The following JADE1 variants were observed in gnomAD, a reference collection of about 807,000 sequenced individuals.
The protein encoded by JADE1 is protein Jade-1.
In JADE1, 14 loss-of-function variants were observed where a neutral mutation model predicts 81.8. The observed-to-expected ratio is 0.17, with a 90% CI of 0.11 to 0.27. The LOEUF (loss-of-function observed/expected upper bound fraction) is 0.27. Among genes scored for constraint, JADE1 ranks in the 10% least tolerant of loss-of-function variants. The probability of loss-of-function intolerance (pLI) is 1.00; values close to 1 mark genes in which losing one functional copy is unlikely to be tolerated. For missense variants in JADE1, 690 were observed against 1,047.9 expected (o/e 0.66, Z 4.71); for synonymous variants, 353 against 391.9 (o/e 0.90, Z 1.17).
At chr4:128,839,988 A>G (rs1424819741) in intron 2 of JADE1, among the ~76,000 whole-genome samples, 1 of 152,242 alleles carries the variant, frequency 6.6e-6, no homozygotes, top group Non-Finnish European at 1.5e-5. Context: ...TTGTATCAAC[A>G]CTAGGTAAAT....
chr4:128,841,099 C>T (rs951070885), intron 2 of JADE1, among the ~76,000 whole-genome samples: 4 of 152,246 alleles, frequency 2.6e-5, no homozygotes, highest in Non-Finnish European at 4.4e-5. Flanking sequence ...TCTCTGGAAT[C>T]TGTAGAGATA....
At chr4:128,833,407 TA>T (rs911050111) in intron 2 of JADE1, among the ~76,000 whole-genome samples, 7 of 151,936 alleles carry the variant, frequency 4.6e-5, no homozygotes, top group African/African-American at 1.7e-4. Context: ...CTACATTAAT[TA>T]AAAAAAATAG....
rs112796095 is a variant in JADE1 at position 128,818,524 on chromosome 4, C to T, written c.-27+8647C>T. On this transcript the variant is annotated intron_variant, in intron 1 of 10. Coordinates refer to ENST00000226319, the MANE Select transcript of JADE1 (RefSeq NM_199320.4). Reference sequence around the variant, plus strand: ...TAATTGATTCACATTGAACTAAACACGCATAATGGTGGTTTATAAACATCA... The same window carrying T: ...TAATTGATTCACATTGAACTAAACATGCATAATGGTGGTTTATAAACATCA... 5.5e-4 allele frequency among the ~76,000 whole-genome samples: 84 copies of T among 152,204 alleles called. 1 individual carries two copies. The highest frequency in any genetic ancestry group is 8.7e-4 in the African/African-American group (36 of 41,532).
Position 128,861,823 on chromosome 4 carries a change from G to A in JADE1, c.1101G>A (p.Lys367=). ...DEVKFKSYCP[K]HSSHRKPEES... is the part of the protein sequence containing the mutation. The stretch of plus-strand genomic sequence containing the variant: ...TCAAGTTCAAGTCCTATTGCCCAAA[G>A]CACAGCTCACATAGGAAACCCGAGG... Residue 367 remains lysine, a synonymous_variant, in exon 9 of 11, where the codon AAG becomes AAA. Transcript: ENST00000226319. The A allele has an allele frequency of 6.2e-7, 1 of 1,614,196 alleles. No individual in the cohort carries two copies. The highest frequency in any genetic ancestry group is 1.1e-5 in the South Asian group (1 of 91,086).
rs1360912982 is a variant in JADE1 at position 128,872,612 on chromosome 4, T to G, written c.*350T>G. 3.8e-6 allele frequency: 1 copy of G among 265,520 alleles called. No individual in the cohort carries two copies. Among genetic ancestry groups the G allele is most frequent in the Non-Finnish European group, 7.4e-6 (1 of 135,398 alleles). The allele number at this position is 265,520 out of a possible 1,614,324, so 16.4% of individuals were successfully genotyped here. The stretch of plus-strand genomic sequence containing the variant: ...TCTGCATTCTTCCCAAAGCACAAAC[T>G]CATGGTTACCTGAATATAGGGAACC... On this transcript the variant is annotated 3_prime_UTR_variant, in exon 11 of 11. Transcript: ENST00000226319.
At chr4:128,867,461 G>C (rs1731866584) in intron 9 of JADE1, among the ~76,000 whole-genome samples, 1 of 152,220 alleles carries the variant, frequency 6.6e-6, no homozygotes, top group Non-Finnish European at 1.5e-5. Context: ...GGCCATCCAA[G>C]TAATAGAAGA....
chr4:128,867,271 G>A (rs997193501), intron 9 of JADE1, among the ~76,000 whole-genome samples: 5 of 152,210 alleles, frequency 3.3e-5, no homozygotes, highest in Non-Finnish European at 7.3e-5. Flanking sequence ...GCCTTTCAGT[G>A]AGTTCAGTGT....
At position 128,823,649 on chromosome 4, in the gene JADE1, T is replaced by G. The variant is rs1335923537; in HGVS notation, c.-26-8084T>G. On this transcript the variant is annotated intron_variant, in intron 1 of 10. Coordinates refer to ENST00000226319, the MANE Select transcript of JADE1 (RefSeq NM_199320.4). Reference sequence around the variant, plus strand: ...TGTATGACGTTATAAAGAGCACATTTTTTTGCTTGAGATATTTAGACAAGA... The same window carrying G: ...TGTATGACGTTATAAAGAGCACATTGTTTTGCTTGAGATATTTAGACAAGA... Among the ~76,000 whole-genome samples, 6 of 152,334 alleles carry G rather than the reference T, an allele frequency of 3.9e-5. No individual in the cohort carries two copies. The East Asian group carries it at 9.6e-4, about 24-fold the overall frequency.
At chr4:128,820,705 G>A (rs1727489278) in intron 1 of JADE1, among the ~76,000 whole-genome samples, 1 of 150,282 alleles carries the variant, frequency 6.7e-6, no homozygotes, top group Admixed American at 6.6e-5. Context: ...TTTTAAAACA[G>A]TACTTTAAAA....
rs767338028 is a variant in JADE1, at chr4:128,831,750, G to A, written c.-9G>A. On this transcript the variant is annotated 5_prime_UTR_variant, in exon 2 of 11. Transcript: ENST00000226319. ...CTTTGCAGGCTGCCTGCTGTTTCCC[G>A]GGGAGATCATGAAACGAGGTCGCCT... is the stretch of plus-strand genomic sequence containing the variant. The A allele has an allele frequency of 2.5e-5, 40 of 1,613,854 alleles. No individual in the cohort carries two copies. The highest frequency in any genetic ancestry group is 1.0e-4 in the Admixed American group (6 of 59,992).
At chr4:128,863,732 T>TA (rs1469018667) in intron 9 of JADE1, 1 of 985,238 alleles carries the variant, frequency 1.0e-6, no homozygotes, top group African/African-American at 1.7e-5. Context: ...GCATTTTTGT[T>TA]AGAGATGAGA....
intron 1 of JADE1, among the ~76,000 whole-genome samples, chr4:128,814,567 CT>C (rs376501164): frequency 6.2e-3 from 840 of 135,156 alleles, no homozygotes; most frequent in Non-Finnish European, 8.6e-3. Context: ...AGGATTTTTT[CT>C]TTTTTTTTTT....
At position 128,872,370 on chromosome 4, in the gene JADE1, C is replaced by CA; in HGVS notation, c.*109dup. 1.1e-6 allele frequency: 1 copy of CA among 892,364 alleles called. No homozygotes were observed. Among genetic ancestry groups the CA allele is most frequent in the Non-Finnish European group, 1.7e-6 (1 of 584,094 alleles). The allele number at this position is 892,364 out of a possible 1,614,324, so 55.3% of individuals were successfully genotyped here. ...ACCCATTAATCCTGAGCTACACAAACACATTTACTTGCAATTCAGATTAAT... is the reference window on the plus strand; with the variant it reads ...ACCCATTAATCCTGAGCTACACAAACAACATTTACTTGCAATTCAGATTAAT... On this transcript the variant is annotated 3_prime_UTR_variant, in exon 11 of 11. Coordinates refer to ENST00000226319, the MANE Select transcript of JADE1 (RefSeq NM_199320.4).
In JADE1 at chr4:128,830,654, A is replaced by G. The variant is rs181048290; in HGVS notation, c.-26-1079A>G. On this transcript the variant is annotated intron_variant, in intron 1 of 10. Coordinates refer to ENST00000226319, the MANE Select transcript of JADE1 (RefSeq NM_199320.4). ...GTGATGGACTACCATACTTTTTCTC[A>G]CTTGAAAAAGCTCCCTTTCATTTTT... Among the ~76,000 whole-genome samples the G allele has an allele frequency of 1.5e-3, 233 of 152,288 alleles. 3 individuals carry two copies. Among genetic ancestry groups the G allele is most frequent in the East Asian group, 0.014 (71 of 5,184 alleles).
chr4:128,871,727 A>G lies in JADE1; in HGVS notation c.1994A>G (p.His665Arg), dbSNP rs1317998332. Reference sequence around the variant, plus strand: ...GGGAAAAGAAGAGACAATCGTTTTCATTGTGATCTCATTAAAGGAGACTTA... The same window carrying G: ...GGGAAAAGAAGAGACAATCGTTTTCGTTGTGATCTCATTAAAGGAGACTTA... ...DHGKRRDNRF[H>R]CDLIKGDLKD... The change falls in exon 11 of 11, where the codon CAT becomes CGT. Residue 665 changes from histidine to arginine, a missense_variant. His to Arg is a conservative substitution (Grantham distance 29). Coordinates refer to ENST00000226319, the MANE Select transcript of JADE1 (RefSeq NM_199320.4). This position sits in a 1 kb window ranked among gnomAD's most constrained non-coding sequence, Gnocchi z 4.1. The G allele has an allele frequency of 6.2e-7, 1 of 1,614,194 alleles. No individual in the cohort carries two copies. Among genetic ancestry groups the G allele is most frequent in the African/African-American group, 1.3e-5 (1 of 75,052 alleles).
At chr4:128,817,804 A>G (rs1015535020) in intron 1 of JADE1, among the ~76,000 whole-genome samples, 3 of 152,206 alleles carry the variant, frequency 2.0e-5, no homozygotes, top group Non-Finnish European at 4.4e-5. Context: ...TTCCTTAAGC[A>G]CATCCTTGGA....
chr4:128,840,260 C>T (rs1729319609), intron 2 of JADE1, among the ~76,000 whole-genome samples: 1 of 152,192 alleles, frequency 6.6e-6, no homozygotes, highest in African/African-American at 2.4e-5. Flanking sequence ...GACAGATCCT[C>T]AGGAAGAGAC....
intron 1 of JADE1, among the ~76,000 whole-genome samples, chr4:128,824,227 G>T (rs917097402): frequency 6.6e-6 from 1 of 151,994 alleles, no homozygotes; most frequent in Non-Finnish European, 1.5e-5. Flanking sequence ...GACCATCCTG[G>T]CTAACACGGT....
intron 3 of JADE1, among the ~76,000 whole-genome samples, chr4:128,843,680 A>G (rs1729638243): frequency 6.6e-6 from 1 of 152,236 alleles, no homozygotes; most frequent in South Asian, 2.1e-4. Flanking sequence ...GCTTTAAATC[A>G]TCGAAGAAAA....
Sources: allele counts gnomAD v4.1 joint callset (sites outside exome capture counted in the v4.1 genomes callset), GRCh38; gene constraint gnomAD v4.1.1; non-coding constraint Gnocchi (gnomAD v3.1); transcripts MANE v1.5; gene names NCBI Gene and HGNC (gene_info 2026-07-23, HGNC 2026-07-21).